The following FYN variants were observed in gnomAD, a reference collection of about 807,000 sequenced individuals.
FYN encodes tyrosine-protein kinase Fyn.
FYN carries 10 observed loss-of-function variants against 70.2 expected under a neutral mutation model. That is an observed-to-expected ratio of 0.14 (90% confidence interval 0.09 to 0.24). FYN has a LOEUF of 0.24. Ranked by LOEUF, FYN falls within the 10% of genes least tolerant of loss-of-function variation. The pLI is 1.00. For missense variants in FYN, 319 were observed against 673.1 expected, an observed-to-expected ratio of 0.47 and a Z score of 5.82; for synonymous variants, 236 against 248.6, an observed-to-expected ratio of 0.95 and a Z score of 0.48.
chr6:111,825,957 G>A (rs1772821915), intron 2 of FYN, among the ~76,000 whole-genome samples: 1 of 152,164 alleles, frequency 6.6e-6, no homozygotes, highest in Non-Finnish European at 1.5e-5. Context: ...TGGATTGGGT[G>A]GGTCTGGATA....
rs1340828219 is a variant in FYN at position 111,837,734 on chromosome 6, C to A, written c.-82+8855G>T. 2.0e-5 allele frequency among the ~76,000 whole-genome samples: 3 copies of A among 152,212 alleles called. No individual in the cohort carries two copies. The East Asian group carries it at 5.8e-4, about 29-fold the overall frequency. ...CCTTACTCTTGATGACTGTCAGCTTCTCCCGTGGCCTAGCTCTTTGGTGAG... is the reference window on the plus strand; with the variant it reads ...CCTTACTCTTGATGACTGTCAGCTTATCCCGTGGCCTAGCTCTTTGGTGAG... On this transcript the variant is annotated intron_variant, in intron 2 of 13. Coordinates refer to ENST00000354650, the MANE Select transcript of FYN (RefSeq NM_002037.5).
intron 2 of FYN, among the ~76,000 whole-genome samples, chr6:111,817,468 C>T (rs1262643090): frequency 6.6e-6 from 1 of 152,138 alleles, no homozygotes; most frequent in Non-Finnish European, 1.5e-5. Context: ...ATGGTGTATC[C>T]GTTTTAAAGC....
At chr6:111,751,356 C>T (rs1170515085) in intron 3 of FYN, among the ~76,000 whole-genome samples, 2 of 152,198 alleles carry the variant, frequency 1.3e-5, no homozygotes, top group Non-Finnish European at 2.9e-5. Context: ...AACGCCAGAA[C>T]TGCTGTCTCT....
intron 12 of FYN, among the ~76,000 whole-genome samples, chr6:111,684,469 G>A (rs1045749712): frequency 3.3e-5 from 5 of 152,172 alleles, no homozygotes; most frequent in Non-Finnish European, 7.3e-5. Flanking sequence ...CAGCTACCAG[G>A]GAGAATGCAG....
chr6:111,808,195 C>T (rs1199017457), intron 2 of FYN, among the ~76,000 whole-genome samples: 2 of 152,198 alleles, frequency 1.3e-5, no homozygotes, highest in African/African-American at 4.8e-5. Context: ...GTTACAAAGG[C>T]ACTGAAGCAG....
At chr6:111,797,705 TATATATAC>T (rs1470667839) in intron 2 of FYN, among the ~76,000 whole-genome samples, 3 of 93,064 alleles carry the variant, frequency 3.2e-5, no homozygotes, top group East Asian at 4.7e-4. Flanking sequence ...TATATATATA[TATATATAC>T]ACACACACAC....
At chr6:111,706,778 G>T (rs550678354) in intron 6 of FYN, among the ~76,000 whole-genome samples, 1 of 152,250 alleles carries the variant, frequency 6.6e-6, no homozygotes, top group Non-Finnish European at 1.5e-5. Context: ...TTAAATCAGG[G>T]TAATGCTACA....
At chr6:111,812,604 C>CTTTTTTTTT (rs369326017) in intron 2 of FYN, among the ~76,000 whole-genome samples, 2 of 101,284 alleles carry the variant, frequency 2.0e-5, no homozygotes, top group African/African-American at 6.8e-5. Flanking sequence ...AGAAATTTTC[C>CTTTTTTTTT]TTTTTTTTTT....
chr6:111,762,364 A>C (rs941501972), intron 3 of FYN, among the ~76,000 whole-genome samples: 2 of 152,164 alleles, frequency 1.3e-5, no homozygotes, highest in African/African-American at 2.4e-5. Context: ...CAAGTGACTA[A>C]GTGGACCCTC....
At chr6:111,861,722 C>A (rs527864779) in intron 1 of FYN, among the ~76,000 whole-genome samples, 1 of 152,328 alleles carries the variant, frequency 6.6e-6, no homozygotes, top group Admixed American at 6.5e-5. Flanking sequence ...GAAGGCTCTT[C>A]ATGAATGCAG....
At chr6:111,715,924 CACT>C (rs1236020226) in intron 4 of FYN, among the ~76,000 whole-genome samples, 4 of 152,204 alleles carry the variant, frequency 2.6e-5, no homozygotes, top group Non-Finnish European at 4.4e-5. Flanking sequence ...TTTATGTCAT[CACT>C]ACAAGTGTTC....
At chr6:111,812,211 A>T (rs1423052428) in intron 2 of FYN, among the ~76,000 whole-genome samples, 1 of 152,216 alleles carries the variant, frequency 6.6e-6, no homozygotes, top group African/African-American at 2.4e-5. Flanking sequence ...GAATGAGGGC[A>T]CTCGGAAGAA....
chr6:111,853,815 C>T (rs951376229), intron 1 of FYN, among the ~76,000 whole-genome samples: 22 of 152,104 alleles, frequency 1.4e-4, no homozygotes, highest in Non-Finnish European at 3.1e-4. Context: ...GATGGAGTTT[C>T]ACTGTGTTGC....
intron 13 of FYN, among the ~76,000 whole-genome samples, chr6:111,668,376 C>G (rs1039862030): frequency 1.3e-5 from 2 of 152,012 alleles, no homozygotes; most frequent in African/African-American, 4.8e-5. Context: ...AACCTCAGGA[C>G]AGCTGTTTTT....
chr6:111,771,587 TAAA>T lies in FYN; in HGVS notation c.-12+8976_-12+8978del, dbSNP rs143133883. On this transcript the variant is annotated intron_variant, in intron 3 of 13. Coordinates refer to ENST00000354650, the MANE Select transcript of FYN (RefSeq NM_002037.5). ...TTAATTTCTGTGTAAAAGAGGATGT[TAAA>T]AACAAACATACAAACAAATGACAAT... Among the ~76,000 whole-genome samples the T allele has an allele frequency of 6.5e-3, 993 of 152,268 alleles. 9 individuals are homozygous for T. The highest frequency in any genetic ancestry group is 0.022 in the African/African-American group (924 of 41,558).
In FYN at chr6:111,814,862, G is replaced by A. The variant is rs375828241; in HGVS notation, c.-82+31727C>T. Among the ~76,000 whole-genome samples, 47 of 152,288 alleles carry A rather than the reference G, an allele frequency of 3.1e-4. 1 individual carries two copies. The highest frequency in any genetic ancestry group is 2.3e-3 in the East Asian group (12 of 5,186). Reference sequence around the variant, plus strand: ...AAGCAAGGATTTGACTGTTGAACACGTATGCATGAGTGCAGCGAACAGGTA... The same window carrying A: ...AAGCAAGGATTTGACTGTTGAACACATATGCATGAGTGCAGCGAACAGGTA... On this transcript the variant is annotated intron_variant, in intron 2 of 13. Coordinates refer to ENST00000354650, the MANE Select transcript of FYN (RefSeq NM_002037.5).
chr6:111,814,428 C>T (rs1772421654), intron 2 of FYN, among the ~76,000 whole-genome samples: 1 of 151,974 alleles, frequency 6.6e-6, no homozygotes, highest in African/African-American at 2.4e-5. Flanking sequence ...TTTTTCACTG[C>T]AAGCTTCTGG....
intron 1 of FYN, among the ~76,000 whole-genome samples, chr6:111,867,428 C>A (rs1320879323): frequency 7.6e-6 from 1 of 132,374 alleles, no homozygotes. Flanking sequence ...GCACTCTAGC[C>A]TGGGCAACAA....
intron 2 of FYN, among the ~76,000 whole-genome samples, chr6:111,810,542 C>A (rs763213466): frequency 6.6e-6 from 1 of 152,182 alleles, no homozygotes; most frequent in Non-Finnish European, 1.5e-5. Flanking sequence ...CACCCAAACC[C>A]GCAAACTCTA....
Sources: gnomAD v4.1 joint callset for allele counts (sites outside exome capture counted in the v4.1 genomes callset) on GRCh38, gnomAD v4.1.1 for gene constraint, MANE v1.5 for transcripts, NCBI Gene and HGNC (gene_info 2026-07-23, HGNC 2026-07-21) for gene names.